Variants in CSMD2 observed in about 807,000 individuals in gnomAD.
CSMD2 encodes the protein CUB and Sushi multiple domains 2.
CSMD2 carries 130 observed loss-of-function variants against 398.5 expected under a neutral mutation model. The ratio of observed to expected loss-of-function variants is 0.33; its 90% CI spans 0.28 to 0.38. The LOEUF (loss-of-function observed/expected upper bound fraction) is 0.38, where lower values mean the gene tolerates loss of function less well. Ranked by LOEUF, CSMD2 falls within the 10% of genes least tolerant of loss-of-function variation. The pLI is 1.00. For synonymous variants in CSMD2, 1,828 were observed against 1,908.5 expected (o/e 0.96, Z 1.10); for missense variants, 3,829 against 4,764.9 (o/e 0.80, Z 5.78).
At chr1:33,830,770 T>G (rs1205523138) in intron 6 of CSMD2, among the ~76,000 whole-genome samples, 2 of 152,182 alleles carry the variant, frequency 1.3e-5, no homozygotes, top group East Asian at 3.9e-4. Flanking sequence ...TGAAAAAAAT[T>G]TAGAAGAATG....
intron 41 of CSMD2, among the ~76,000 whole-genome samples, chr1:33,607,540 A>G (rs528908180): frequency 6.6e-6 from 1 of 152,260 alleles, no homozygotes; most frequent in South Asian, 2.1e-4. Flanking sequence ...GTGTGGGCTT[A>G]TGGTCAGGGA....
chr1:33,791,016 AGAT>A (rs1330865246), intron 11 of CSMD2, among the ~76,000 whole-genome samples: 1 of 152,240 alleles, frequency 6.6e-6, no homozygotes, highest in Non-Finnish European at 1.5e-5. Flanking sequence ...CCATTGGATA[AGAT>A]GAGTCATGTA....
intron 3 of CSMD2, among the ~76,000 whole-genome samples, chr1:34,006,337 C>T (rs59121871): frequency 2.6e-5 from 4 of 152,194 alleles, no homozygotes; most frequent in African/African-American, 9.6e-5. Context: ...CAAGACCCCA[C>T]CTACACCTGC....
At chr1:33,522,839 T>G (rs913242022) in intron 67 of CSMD2, among the ~76,000 whole-genome samples, 1 of 152,202 alleles carries the variant, frequency 6.6e-6, no homozygotes, top group Non-Finnish European at 1.5e-5. Context: ...GAATGTCTTT[T>G]CCACAAGGGA....
At chr1:33,957,434 C>T (rs947074251) in intron 3 of CSMD2, among the ~76,000 whole-genome samples, 1 of 152,104 alleles carries the variant, frequency 6.6e-6, no homozygotes, top group African/African-American at 2.4e-5. Flanking sequence ...GGGCCTCCTG[C>T]CTCATTGATC....
At chr1:34,165,826 C>T (rs370919346), upstream of CSMD2, 30 of 1,613,034 alleles carry the variant, frequency 1.9e-5, no homozygotes, top group Non-Finnish European at 2.5e-5. Flanking sequence ...ACAATAGCCT[C>T]CTACCCCATC....
Position 34,153,404 on chromosome 1 carries a change from G to A in CSMD2, c.187+11507C>T, listed in dbSNP as rs925581409. On this transcript the variant is annotated intron_variant, in intron 1 of 70. Coordinates refer to ENST00000373381, the MANE Select transcript of CSMD2 (RefSeq NM_001281956.2). The stretch of plus-strand genomic sequence containing the variant: ...CAGAATTTCCTTGCTTTTTAAAGCT[G>A]AAAGATTATCATATGGATATACCAC... Among the ~76,000 whole-genome samples, 3 of 152,342 alleles carry A rather than the reference G, an allele frequency of 2.0e-5. 1 individual carries two copies. In the South Asian group the frequency reaches 6.2e-4, roughly 32 times the overall value.
chr1:33,915,948 T>G (rs1018692413), intron 5 of CSMD2, among the ~76,000 whole-genome samples: 4 of 152,184 alleles, frequency 2.6e-5, no homozygotes, highest in African/African-American at 9.7e-5. Context: ...AAGCAGGTAG[T>G]ATAACCTCTC....
At chr1:33,992,984 A>G (rs762039555) in intron 3 of CSMD2, among the ~76,000 whole-genome samples, 5 of 152,228 alleles carry the variant, frequency 3.3e-5, no homozygotes, top group Non-Finnish European at 5.9e-5. Context: ...ATGACATGAA[A>G]AAAAGCAAGT....
chr1:33,540,439 T>C, intron 60 of CSMD2, 86 bp downstream of exon 60: 1 of 1,440,272 alleles, frequency 6.9e-7, no homozygotes, highest in Admixed American at 1.8e-5. Flanking sequence ...CTACCTATTC[T>C]GGGCCTTCCA....
chr1:33,679,638 C>A (rs1639986530), intron 25 of CSMD2, among the ~76,000 whole-genome samples: 1 of 152,160 alleles, frequency 6.6e-6, no homozygotes, highest in African/African-American at 2.4e-5. Flanking sequence ...TAGAAAGCAT[C>A]TAGCACATAG....
At chr1:33,535,918 C>CT (rs1317718621) in intron 62 of CSMD2, among the ~76,000 whole-genome samples, 1 of 152,194 alleles carries the variant, frequency 6.6e-6, no homozygotes, top group Non-Finnish European at 1.5e-5. Flanking sequence ...GTTCACACCC[C>CT]TTTATATCAA....
chr1:33,973,584 C>T (rs887631538), intron 3 of CSMD2, among the ~76,000 whole-genome samples: 7 of 152,158 alleles, frequency 4.6e-5, no homozygotes, highest in South Asian at 2.1e-4. Flanking sequence ...TGAAGTGCAC[C>T]TGGTGAGATG....
chr1:33,591,133 C>T (rs988475919), intron 44 of CSMD2, among the ~76,000 whole-genome samples: 1 of 151,902 alleles, frequency 6.6e-6, no homozygotes, highest in Non-Finnish European at 1.5e-5. Context: ...GGATTACAGG[C>T]ATGCGCCACC....
At chr1:33,755,691 C>G (rs1046192869) in intron 13 of CSMD2, among the ~76,000 whole-genome samples, 1 of 152,150 alleles carries the variant, frequency 6.6e-6, no homozygotes, top group African/African-American at 2.4e-5. Flanking sequence ...TGTCTCTAGG[C>G]TGCAGTGCAG....
chr1:33,982,401 C>T (rs1378362790), intron 3 of CSMD2, among the ~76,000 whole-genome samples: 1 of 152,184 alleles, frequency 6.6e-6, no homozygotes, highest in Non-Finnish European at 1.5e-5. Context: ...TGACCCTCTA[C>T]CTTCTAGTAG....
chr1:34,061,817 A>G (rs900650722), intron 2 of CSMD2, among the ~76,000 whole-genome samples: 1 of 152,204 alleles, frequency 6.6e-6, no homozygotes, highest in Non-Finnish European at 1.5e-5. Flanking sequence ...ACAAAGGCAC[A>G]GGCTTCCGTG....
At chr1:34,149,283 T>C (rs1460551181) in intron 1 of CSMD2, among the ~76,000 whole-genome samples, 1 of 152,074 alleles carries the variant, frequency 6.6e-6, no homozygotes, top group African/African-American at 2.4e-5. Context: ...GGGTCCGAGG[T>C]CCTGTTCCAG....
intron 6 of CSMD2, among the ~76,000 whole-genome samples, chr1:33,834,231 C>T (rs879814877): frequency 1.1e-4 from 10 of 88,642 alleles, no homozygotes; most frequent in Non-Finnish European, 1.8e-4. Context: ...GGAGGCATCA[C>T]GCTACCTGAC....
Sources: gnomAD v4.1 joint callset for allele counts (sites outside exome capture counted in the v4.1 genomes callset) on GRCh38, gnomAD v4.1.1 for gene constraint, MANE v1.5 for transcripts, NCBI Gene and HGNC (gene_info 2026-07-23, HGNC 2026-07-21) for gene names.